The following ST7 variants were observed in gnomAD, a reference collection of about 807,000 sequenced individuals.
The protein encoded by ST7 is suppressor of tumorigenicity 7 protein.
Under a neutral mutation model 78.7 loss-of-function variants are expected in ST7, and 28 were observed. That is an observed-to-expected ratio of 0.36 (90% CI 0.26 to 0.49). ST7 has a LOEUF of 0.49. Ranked by LOEUF, ST7 falls within the 20% of genes least tolerant of loss-of-function variation. The pLI, the probability that ST7 is intolerant of heterozygous loss-of-function variation, is 0.99. For missense variants in ST7, 418 were observed against 696.0 expected, an observed-to-expected ratio of 0.60 and a Z score of 4.49; for synonymous variants, 247 against 249.6, an observed-to-expected ratio of 0.99 and a Z score of 0.10.
At chr7:117,092,975 A>G (rs1054670541) in intron 1 of ST7, among the ~76,000 whole-genome samples, 16 of 152,308 alleles carry the variant, frequency 1.1e-4, no homozygotes, top group African/African-American at 3.8e-4. Flanking sequence ...CCATAAAAAG[A>G]CTTGAAGAAA....
At chr7:117,145,137 T>C (rs1228809844) in intron 9 of ST7, among the ~76,000 whole-genome samples, 2 of 151,836 alleles carry the variant, frequency 1.3e-5, no homozygotes, top group African/African-American at 4.8e-5. Flanking sequence ...GGCCTGAAGT[T>C]AAGGCTGCAG....
At chr7:117,085,286 T>G (rs1004843765) in intron 1 of ST7, among the ~76,000 whole-genome samples, 15 of 152,226 alleles carry the variant, frequency 9.9e-5, no homozygotes, top group Admixed American at 1.3e-4. Flanking sequence ...TCTGCAGCTG[T>G]TGGTCTGTCT....
intron 15 of ST7, among the ~76,000 whole-genome samples, chr7:117,226,264 C>T (rs887198780): frequency 6.6e-6 from 1 of 152,202 alleles, no homozygotes; most frequent in Non-Finnish European, 1.5e-5. Flanking sequence ...AAAGGAAGAT[C>T]AGGCAATTGA....
intron 2 of ST7, among the ~76,000 whole-genome samples, chr7:117,106,456 G>C (rs1219606878): frequency 2.0e-5 from 3 of 151,490 alleles, no homozygotes; most frequent in African/African-American, 7.3e-5. Flanking sequence ...GGAAACAGTT[G>C]GTATTTCCTG....
In ST7 at chr7:116,997,974, C is replaced by G. The variant is rs575037022; in HGVS notation, c.151+44283C>G. Among the ~76,000 whole-genome samples, 16 of 152,388 alleles carry G rather than the reference C, an allele frequency of 1.0e-4. No individual in the cohort carries two copies. In the East Asian group the frequency reaches 2.5e-3, roughly 24 times the overall value. ...CTGGGGCTGCAGGTGGAGCTGCCTGCTAGTCCCATGCCGTGTGCCCTCGCT... is the reference window on the plus strand; with the variant it reads ...CTGGGGCTGCAGGTGGAGCTGCCTGGTAGTCCCATGCCGTGTGCCCTCGCT... On this transcript the variant is annotated intron_variant, in intron 1 of 15. Coordinates refer to ENST00000323984, the MANE Select transcript of ST7 (RefSeq NM_001369598.1).
At chr7:117,076,855 G>A (rs568208598) in intron 1 of ST7, among the ~76,000 whole-genome samples, 2 of 152,318 alleles carry the variant, frequency 1.3e-5, no homozygotes, top group East Asian at 1.9e-4. Flanking sequence ...CACATGAGGC[G>A]GCTGTCCTCT....
At chr7:117,100,237 G>A (rs747812512) in intron 2 of ST7, among the ~76,000 whole-genome samples, 10 of 151,980 alleles carry the variant, frequency 6.6e-5, no homozygotes, top group Admixed American at 1.3e-4. Context: ...TTTGGGAGGC[G>A]AAGGCGGGCA....
At chr7:117,025,517 T>C (rs1584473872) in intron 1 of ST7, among the ~76,000 whole-genome samples, 4 of 152,172 alleles carry the variant, frequency 2.6e-5, no homozygotes, top group Admixed American at 2.6e-4. Flanking sequence ...AAAACAAAAA[T>C]AGAAATACTT....
chr7:116,974,741 G>GAC (rs1361114373), intron 1 of ST7, among the ~76,000 whole-genome samples: 6 of 152,158 alleles, frequency 3.9e-5, no homozygotes, highest in Admixed American at 3.9e-4. Flanking sequence ...GAGTGCAAAT[G>GAC]TCTGTTTACT....
At chr7:117,023,605 CTAAAGT>C (rs1001062398) in intron 1 of ST7, among the ~76,000 whole-genome samples, 6 of 152,144 alleles carry the variant, frequency 3.9e-5, no homozygotes, top group African/African-American at 1.4e-4. Context: ...TTTTCCTTTA[CTAAAGT>C]TTCCCATGTC....
chr7:117,099,976 T>C (rs1032745369), intron 2 of ST7, 132 bp downstream of exon 2: 2 of 586,932 alleles, frequency 3.4e-6, no homozygotes, highest in South Asian at 6.6e-5. Flanking sequence ...TGTATATATG[T>C]TGGGGAGTGG....
Position 117,229,824 on chromosome 7 carries a change from A to C in ST7, c.1701A>C (p.Pro567=). The C allele has an allele frequency of 6.2e-7, 1 of 1,614,084 alleles. No individual in the cohort carries two copies. Among genetic ancestry groups the C allele is most frequent in the Non-Finnish European group, 8.5e-7 (1 of 1,180,004 alleles). The change falls in exon 16 of 16, where the codon CCA becomes CCC. Residue 567 remains proline (P), a synonymous_variant. Coordinates refer to ENST00000323984, the MANE Select transcript of ST7 (RefSeq NM_001369598.1). The stretch of plus-strand genomic sequence containing the variant: ...TGGAGAAAGTGGAGAGCATCCTCCC[A>C]TCCAGTCTGTGGCACCAGCTAACAC... The part of the protein sequence containing the change: ...FVMEKVESIL[P]SSLWHQLTRI
At position 117,138,402 on chromosome 7, in the gene ST7, TTA is replaced by T. The variant is rs1584446465; in HGVS notation, c.866-32_866-31del. The T allele has an allele frequency of 3.0e-5, 44 of 1,453,376 alleles. No homozygotes were observed. The Middle Eastern group carries it at 5.4e-4, about 18-fold the overall frequency. 90.0% of individuals were successfully genotyped at this position (1,453,376 alleles called of 1,614,324 possible). A position where few individuals can be genotyped will look rare whatever the true frequency, so the allele number is the denominator to read the frequency against. ...ATGGGCCTCTGTATTTTTTTTTTTT[TTA>T]AATGTTGGTGTTTTATATCTCCCTC... On this transcript the variant is annotated intron_variant, in intron 8 of 15. Coordinates refer to ENST00000323984, the MANE Select transcript of ST7 (RefSeq NM_001369598.1).
rs998537656 is a variant in ST7, at chr7:116,973,495, G to A, written c.151+19804G>A. On this transcript the variant is annotated intron_variant, in intron 1 of 15. Coordinates refer to ENST00000323984, the MANE Select transcript of ST7 (RefSeq NM_001369598.1). ...TGACCTCAAACTCCTGGGCTCAAGC[G>A]ATGCTACTGCCTTGGCCTCCCAAGG... Among the ~76,000 whole-genome samples the A allele has an allele frequency of 2.0e-5, 3 of 152,288 alleles. No individual in the cohort carries two copies. The East Asian group carries it at 5.8e-4, about 29-fold the overall frequency.
At chr7:117,032,643 A>G (rs1039892891) in intron 1 of ST7, among the ~76,000 whole-genome samples, 3 of 152,324 alleles carry the variant, frequency 2.0e-5, no homozygotes, top group Middle Eastern at 3.4e-3. Context: ...GTAATTTTCA[A>G]AGTCCTTAAA....
chr7:116,969,146 C>A (rs1793290825), intron 1 of ST7, among the ~76,000 whole-genome samples: 1 of 152,116 alleles, frequency 6.6e-6, no homozygotes, highest in Non-Finnish European at 1.5e-5. Flanking sequence ...TTCAGACTTT[C>A]CTTGTTTTTG....
intron 9 of ST7, among the ~76,000 whole-genome samples, chr7:117,142,041 G>T (rs775771149): frequency 3.9e-5 from 6 of 151,960 alleles, no homozygotes; most frequent in African/African-American, 1.5e-4. Context: ...TTAAATTTAA[G>T]GAAAGGTCTT....
chr7:116,966,153 G>C (rs773124553), intron 1 of ST7: 16 of 431,782 alleles, frequency 3.7e-5, no homozygotes, highest in South Asian at 2.8e-4. Context: ...AAAATATGTA[G>C]ACATTAAGAC....
chr7:117,032,044 G>C (rs1021089128), intron 1 of ST7, among the ~76,000 whole-genome samples: 5 of 151,544 alleles, frequency 3.3e-5, no homozygotes, highest in Admixed American at 1.3e-4. Context: ...ACCACGTGTG[G>C]CTAATTTTTG....
Sources: gnomAD v4.1 joint callset for allele counts (sites outside exome capture counted in the v4.1 genomes callset) on GRCh38, gnomAD v4.1.1 for gene constraint, MANE v1.5 for transcripts, NCBI Gene and HGNC (gene_info 2026-07-23, HGNC 2026-07-21) for gene names.